ITGA1: variants seen among roughly 807,000 people sequenced by gnomAD.
ITGA1 encodes the protein integrin alpha-1.
Under a neutral mutation model 145.9 loss-of-function variants are expected in ITGA1, and 85 were observed. The ratio of observed to expected loss-of-function variants is 0.58; its 90% CI spans 0.49 to 0.70. The LOEUF (loss-of-function observed/expected upper bound fraction) is 0.70, where lower values mean the gene tolerates loss of function less well. Among genes scored for constraint, ITGA1 ranks in the 30% least tolerant of loss-of-function variants. The probability of loss-of-function intolerance (pLI) is 0.00; values close to 1 mark genes in which losing one functional copy is unlikely to be tolerated. For synonymous variants in ITGA1, 520 were observed against 495.3 expected, an observed-to-expected ratio of 1.05 and a Z score of -0.66; for missense variants, 1,351 against 1,418.7, an observed-to-expected ratio of 0.95 and a Z score of 0.77.
rs1184467699 is a variant in ITGA1 at position 52,952,701 on chromosome 5, G to C, written c.*250G>C. 1 of 201,630 alleles carries C rather than the reference G, an allele frequency of 5.0e-6. No homozygotes were observed. The highest frequency in any genetic ancestry group is 1.1e-4 in the East Asian group (1 of 8,970). The allele number at this position is 201,630 out of a possible 1,614,324, so 12.5% of individuals were successfully genotyped here. The stretch of plus-strand genomic sequence containing the variant: ...TGTTGAGTAAGCAAAATTACAAAGT[G>C]TTTTTAAAAAAACCTGTACAAATAT... On this transcript the variant is annotated 3_prime_UTR_variant, in exon 29 of 29. Coordinates refer to ENST00000282588, the MANE Select transcript of ITGA1 (RefSeq NM_181501.2).
chr5:52,949,517 C>T (rs1751186822), intron 28 of ITGA1, among the ~76,000 whole-genome samples: 1 of 152,156 alleles, frequency 6.6e-6, no homozygotes, highest in Admixed American at 6.5e-5. Context: ...TAAAGTGACT[C>T]TCCCATGATT....
chr5:52,799,659 A>G (rs919299954), intron 1 of ITGA1, among the ~76,000 whole-genome samples: 5 of 152,184 alleles, frequency 3.3e-5, no homozygotes, highest in African/African-American at 1.2e-4. Context: ...GTTCTCAGAA[A>G]CCGCTTCTAA....
intron 8 of ITGA1, among the ~76,000 whole-genome samples, chr5:52,892,254 T>C (rs1468031325): frequency 2.6e-5 from 4 of 152,092 alleles, no homozygotes; most frequent in East Asian, 1.9e-4. Flanking sequence ...TCATTAGTCA[T>C]TAGAGAAATG....
At chr5:52,791,842 A>G (rs544708504) in intron 1 of ITGA1, among the ~76,000 whole-genome samples, 1 of 152,336 alleles carries the variant, frequency 6.6e-6, no homozygotes, top group South Asian at 2.1e-4. Flanking sequence ...ATATAGTATT[A>G]AGAAGTTAAT....
At chr5:52,925,206 A>T in intron 18 of ITGA1, 72 bp from the exon 19 acceptor site, 1 of 1,162,732 alleles carries the variant, frequency 8.6e-7, no homozygotes, top group Non-Finnish European at 1.3e-6. Flanking sequence ...CATTTTTGTT[A>T]CACAAATTGA....
At chr5:52,800,395 A>G (rs754654424) in intron 1 of ITGA1, 3 of 1,613,708 alleles carry the variant, frequency 1.9e-6, no homozygotes, top group Admixed American at 1.7e-5. Context: ...TTCCTTGGCC[A>G]TGAAGCTCGT....
chr5:52,949,767 A>G (rs1205146854), intron 28 of ITGA1, among the ~76,000 whole-genome samples: 1 of 152,164 alleles, frequency 6.6e-6, no homozygotes, highest in Non-Finnish European at 1.5e-5. Flanking sequence ...GGCTAATCCC[A>G]CTTCCCCCTA....
chr5:52,843,861 T>C (rs1749294812), intron 1 of ITGA1, among the ~76,000 whole-genome samples: 1 of 152,172 alleles, frequency 6.6e-6, no homozygotes, highest in East Asian at 1.9e-4. Flanking sequence ...TGAGCTTCAG[T>C]TTCTTAATAC....
intron 7 of ITGA1, among the ~76,000 whole-genome samples, chr5:52,885,474 A>G (rs181415967): frequency 1.3e-5 from 2 of 152,298 alleles, no homozygotes; most frequent in African/African-American, 4.8e-5. Flanking sequence ...AGAACAAAAG[A>G]TACACCTCTC....
At chr5:52,865,121 C>G (rs560678644) in intron 5 of ITGA1, 39 bp downstream of exon 5, 1 of 1,424,068 alleles carries the variant, frequency 7.0e-7, no homozygotes, top group Non-Finnish European at 9.8e-7. Flanking sequence ...GTTTGAAAAG[C>G]CTATGCAATG....
At chr5:52,833,629 C>T (rs1749110654) in intron 1 of ITGA1, among the ~76,000 whole-genome samples, 1 of 152,016 alleles carries the variant, frequency 6.6e-6, no homozygotes, top group Non-Finnish European at 1.5e-5. Flanking sequence ...TTTTCCTGGG[C>T]CATTTTTGTT....
intron 6 of ITGA1, chr5:52,867,314 G>C (rs552774451): frequency 3.9e-5 from 6 of 152,290 alleles, no homozygotes; most frequent in African/African-American, 1.4e-4. Flanking sequence ...TCTCTGTAGA[G>C]AGTGAGTGGA....
At chr5:52,912,701 C>CTA (rs1176839904) in intron 14 of ITGA1, among the ~76,000 whole-genome samples, 23 of 133,468 alleles carry the variant, frequency 1.7e-4, no homozygotes, top group Non-Finnish European at 7.8e-5. Flanking sequence ...TATAGATACA[C>CTA]TATATATATA....
chr5:52,923,318 C>T (rs1002886512), intron 18 of ITGA1, among the ~76,000 whole-genome samples: 1 of 152,018 alleles, frequency 6.6e-6, no homozygotes. Context: ...TTGTTTGCTC[C>T]GTTTTCTCAA....
At chr5:52,796,353 G>A (rs1190269635) in intron 1 of ITGA1, among the ~76,000 whole-genome samples, 5 of 151,772 alleles carry the variant, frequency 3.3e-5, no homozygotes, top group Non-Finnish European at 7.4e-5. Flanking sequence ...ATAAGACATT[G>A]TAGGGAAAAT....
At chr5:52,859,809 T>C (rs1379256645) in intron 2 of ITGA1, among the ~76,000 whole-genome samples, 3 of 152,210 alleles carry the variant, frequency 2.0e-5, no homozygotes, top group Non-Finnish European at 4.4e-5. Flanking sequence ...CCATTGTGCA[T>C]ATGTCCCTCT....
At chr5:52,947,286 T>C (rs551904834) in intron 27 of ITGA1, 59 bp from the exon 28 acceptor site, 4 of 983,026 alleles carry the variant, frequency 4.1e-6, no homozygotes, top group East Asian at 2.4e-5. Flanking sequence ...AAGAACTCAA[T>C]GTTCCAGGAG....
At chr5:52,851,177 C>G (rs1749426057) in intron 2 of ITGA1, among the ~76,000 whole-genome samples, 2 of 152,074 alleles carry the variant, frequency 1.3e-5, no homozygotes, top group Non-Finnish European at 2.9e-5. Flanking sequence ...TTATGAAATT[C>G]TCATTTTCAA....
intron 15 of ITGA1, among the ~76,000 whole-genome samples, chr5:52,918,090 G>A (rs1750675138): frequency 6.6e-6 from 1 of 152,016 alleles, no homozygotes; most frequent in Admixed American, 6.6e-5. Context: ...GACATTACTG[G>A]GCTTTCGAGT....
Sources: gnomAD v4.1 joint callset for allele counts (sites outside exome capture counted in the v4.1 genomes callset) on GRCh38, gnomAD v4.1.1 for gene constraint, MANE v1.5 for transcripts, NCBI Gene and HGNC (gene_info 2026-07-23, HGNC 2026-07-21) for gene names.